The following PPP2R5E variants were observed in gnomAD, a reference collection of about 807,000 sequenced individuals.
The protein encoded by PPP2R5E is serine/threonine-protein phosphatase 2A 56 kDa regulatory subunit epsilon isoform.
In PPP2R5E, 4 loss-of-function variants were observed where a neutral mutation model predicts 65.3. That is an observed-to-expected ratio of 0.06 (90% CI 0.03 to 0.14). The LOEUF (loss-of-function observed/expected upper bound fraction) is 0.14, where lower values mean the gene tolerates loss of function less well. Ranked by LOEUF, PPP2R5E falls within the 10% of genes least tolerant of loss-of-function variation. The probability of loss-of-function intolerance (pLI) is 1.00; values close to 1 mark genes in which losing one functional copy is unlikely to be tolerated. For synonymous variants in PPP2R5E, 183 were observed against 187.4 expected (o/e 0.98, Z 0.19); for missense variants, 274 against 556.1 (o/e 0.49, Z 5.10).
chr14:63,417,939 G>A (rs1886792739), intron 4 of PPP2R5E, among the ~76,000 whole-genome samples: 1 of 152,040 alleles, frequency 6.6e-6, no homozygotes, highest in Non-Finnish European at 1.5e-5. Flanking sequence ...CCCCTCTAAG[G>A]GTCCACAGAT....
chr14:63,481,244 C>A (rs935464976), intron 2 of PPP2R5E, among the ~76,000 whole-genome samples: 1 of 152,072 alleles, frequency 6.6e-6, no homozygotes, highest in Non-Finnish European at 1.5e-5. Flanking sequence ...CACCTGTAAT[C>A]CCAACACTTT....
intron 3 of PPP2R5E, among the ~76,000 whole-genome samples, chr14:63,426,144 G>C (rs1042655440): frequency 2.0e-5 from 3 of 152,196 alleles, no homozygotes; most frequent in Non-Finnish European, 2.9e-5. Flanking sequence ...CATATCAAGT[G>C]TCATAGAAAT....
intron 2 of PPP2R5E, among the ~76,000 whole-genome samples, chr14:63,515,984 G>C (rs956298709): frequency 6.6e-6 from 1 of 151,150 alleles, no homozygotes; most frequent in Non-Finnish European, 1.5e-5. Context: ...CAAGTAGCTG[G>C]GACTATAAGC....
intron 6 of PPP2R5E, 44 bp downstream of exon 6, chr14:63,396,542 C>A (rs1885408822): frequency 6.2e-7 from 1 of 1,600,968 alleles, no homozygotes. Context: ...CTCATAAAAA[C>A]ACCAACTTTG....
At chr14:63,503,102 C>A (rs1043545795) in intron 2 of PPP2R5E, among the ~76,000 whole-genome samples, 2 of 152,026 alleles carry the variant, frequency 1.3e-5, no homozygotes, top group Non-Finnish European at 1.5e-5. Context: ...GCAATACAGA[C>A]CATAAATAAA....
chr14:63,397,140 C>A (rs1337202588), intron 5 of PPP2R5E, among the ~76,000 whole-genome samples: 3 of 152,188 alleles, frequency 2.0e-5, no homozygotes, highest in South Asian at 2.1e-4. Context: ...TGAACCCCAG[C>A]AGTTGAGGCC....
chr14:63,486,980 C>T (rs78099142), intron 2 of PPP2R5E, among the ~76,000 whole-genome samples: 3,382 of 152,254 alleles, frequency 0.022, 71 homozygotes, highest in African/African-American at 0.061. Flanking sequence ...GAATTATATA[C>T]AATTATATTT....
intron 2 of PPP2R5E, among the ~76,000 whole-genome samples, chr14:63,521,958 C>T (rs1392918964): frequency 7.4e-6 from 1 of 135,662 alleles, no homozygotes; most frequent in Non-Finnish European, 1.6e-5. Flanking sequence ...TCCCCCTCCC[C>T]CTCCCCCTCT....
intron 2 of PPP2R5E, 121 bp downstream of exon 2, chr14:63,539,407 TG>T (rs1482124213): frequency 8.6e-6 from 9 of 1,045,102 alleles, no homozygotes; most frequent in Non-Finnish European, 2.7e-6. Context: ...GTAACTTCAA[TG>T]TATGTGAAGT....
At chr14:63,506,808 A>G (rs1033880080) in intron 2 of PPP2R5E, among the ~76,000 whole-genome samples, 2 of 152,228 alleles carry the variant, frequency 1.3e-5, no homozygotes, top group Non-Finnish European at 2.9e-5. Flanking sequence ...ATATTTACCC[A>G]AGGTAACTGA....
intron 2 of PPP2R5E, among the ~76,000 whole-genome samples, chr14:63,481,537 T>C (rs1359665722): frequency 1.3e-5 from 2 of 151,376 alleles, no homozygotes; most frequent in Admixed American, 6.6e-5. Context: ...TAAATCCCCA[T>C]TCTGGCAATA....
At chr14:63,496,306 C>G (rs1266703361) in intron 2 of PPP2R5E, among the ~76,000 whole-genome samples, 1 of 151,794 alleles carries the variant, frequency 6.6e-6, no homozygotes, top group African/African-American at 2.4e-5. Flanking sequence ...AGTTAGAGAC[C>G]AGCCTGGCCA....
At chr14:63,528,296 T>C (rs1177083023) in intron 2 of PPP2R5E, among the ~76,000 whole-genome samples, 1 of 152,210 alleles carries the variant, frequency 6.6e-6, no homozygotes, top group African/African-American at 2.4e-5. Flanking sequence ...GCTCTGAAAG[T>C]CCATTATAAT....
intron 2 of PPP2R5E, among the ~76,000 whole-genome samples, chr14:63,525,527 G>A (rs537243751): frequency 1.3e-5 from 2 of 152,208 alleles, no homozygotes; most frequent in Admixed American, 1.3e-4. Flanking sequence ...TCTCCACTCT[G>A]AGTGAGAAAA....
chr14:63,511,449 G>C (rs1172133145), intron 2 of PPP2R5E, among the ~76,000 whole-genome samples: 1 of 152,186 alleles, frequency 6.6e-6, no homozygotes, highest in Non-Finnish European at 1.5e-5. Context: ...GCTCAGAGGA[G>C]AAGAGAACCA....
At chr14:63,444,181 A>G (rs761921717) in intron 3 of PPP2R5E, among the ~76,000 whole-genome samples, 1 of 152,152 alleles carries the variant, frequency 6.6e-6, no homozygotes, top group Non-Finnish European at 1.5e-5. Flanking sequence ...TACACATAAC[A>G]CTGTAACAAC....
intron 2 of PPP2R5E, among the ~76,000 whole-genome samples, chr14:63,538,278 C>T (rs897379956): frequency 2.7e-5 from 4 of 149,680 alleles, no homozygotes; most frequent in Non-Finnish European, 3.0e-5. Context: ...TTTTTTCCCC[C>T]GAGACAGAGT....
chr14:63,425,794 C>T (rs1887299253), intron 3 of PPP2R5E, among the ~76,000 whole-genome samples: 1 of 152,184 alleles, frequency 6.6e-6, no homozygotes, highest in African/African-American at 2.4e-5. Flanking sequence ...TCAACATTTT[C>T]TTGGTGACTT....
At chr14:63,461,874 A>T (rs1421625282) in intron 2 of PPP2R5E, among the ~76,000 whole-genome samples, 3 of 151,950 alleles carry the variant, frequency 2.0e-5, no homozygotes, top group Admixed American at 2.0e-4. Flanking sequence ...GCATGTGCAC[A>T]CATACACACA....
Sources: gnomAD v4.1 joint callset for allele counts (sites outside exome capture counted in the v4.1 genomes callset) on GRCh38, gnomAD v4.1.1 for gene constraint, MANE v1.5 for transcripts, NCBI Gene and HGNC (gene_info 2026-07-23, HGNC 2026-07-21) for gene names.